Variants in SI observed in about 807,000 individuals in gnomAD.
SI encodes sucrase-isomaltase, intestinal.
SI carries 235 observed loss-of-function variants against 253.3 expected under a neutral mutation model. The observed-to-expected ratio is 0.93, with a 90% CI of 0.83 to 1.03. The LOEUF (loss-of-function observed/expected upper bound fraction) is 1.03. Among genes scored for constraint, SI ranks in the 50% least tolerant of loss-of-function variants. The pLI is 0.00. For synonymous variants in SI, 819 were observed against 712.0 expected (o/e 1.15, Z -2.39); for missense variants, 2,442 against 2,211.1 (o/e 1.10, Z -2.09).
chr3:165,062,737 G>A (rs1007721801), intron 8 of SI, among the ~76,000 whole-genome samples: 3 of 152,000 alleles, frequency 2.0e-5, no homozygotes, highest in East Asian at 1.9e-4. Context: ...TGGATATTGT[G>A]TTGCAAAGGG....
chr3:165,022,687 C>T (rs1711690711), intron 26 of SI, among the ~76,000 whole-genome samples: 1 of 151,386 alleles, frequency 6.6e-6, no homozygotes, highest in African/African-American at 2.4e-5. Context: ...ATCTCCAGTT[C>T]CACACTGTTT....
upstream of SI, among the ~76,000 whole-genome samples, chr3:165,081,863 T>C (rs75958164): frequency 0.021 from 3,187 of 151,844 alleles, 50 homozygotes; most frequent in Middle Eastern, 0.048. Context: ...ATACAAAAGA[T>C]TTTAGAAGAA....
intron 37 of SI, among the ~76,000 whole-genome samples, chr3:165,000,963 A>T (rs1438346547): frequency 6.6e-6 from 1 of 151,280 alleles, no homozygotes; most frequent in African/African-American, 2.4e-5. Flanking sequence ...TTCAATTATT[A>T]TAAAAAAGTT....
At chr3:165,057,931 A>G (rs886261216) in intron 12 of SI, among the ~76,000 whole-genome samples, 1 of 152,016 alleles carries the variant, frequency 6.6e-6, no homozygotes, top group African/African-American at 2.4e-5. Context: ...TTATAAACTA[A>G]GTGGACCTGA....
intron 14 of SI, 106 bp from the exon 15 acceptor site, chr3:165,049,350 C>T (rs2108232482): frequency 5.3e-6 from 4 of 753,794 alleles, no homozygotes; most frequent in Middle Eastern, 3.4e-4. Context: ...TATGAAATTC[C>T]ATATTTGGTT....
intron 22 of SI, among the ~76,000 whole-genome samples, chr3:165,035,274 G>C (rs1324120193): frequency 6.6e-6 from 1 of 151,960 alleles, no homozygotes; most frequent in Non-Finnish European, 1.5e-5. Flanking sequence ...TACTGGTAAA[G>C]AATAGTAATA....
chr3:165,064,592 C>A (rs1433856728), intron 7 of SI, among the ~76,000 whole-genome samples: 1 of 151,902 alleles, frequency 6.6e-6, no homozygotes, highest in Non-Finnish European at 1.5e-5. Flanking sequence ...TCTCAAAAAT[C>A]TCACATTTTT....
At chr3:164,987,037 T>C (rs1717470233) in intron 45 of SI, 101 bp downstream of exon 45, 1 of 914,476 alleles carries the variant, frequency 1.1e-6, no homozygotes, top group South Asian at 1.4e-5. Flanking sequence ...ATAATATTAA[T>C]AGCTTTGTAC....
At chr3:164,983,401 G>C (rs139013716) in intron 45 of SI, among the ~76,000 whole-genome samples, 1 of 152,252 alleles carries the variant, frequency 6.6e-6, no homozygotes, top group African/African-American at 2.4e-5. Context: ...AGTGATGATA[G>C]CAATCGACAC....
chr3:164,987,237 G>C lies in SI; in HGVS notation c.5109-11C>G. ...ATGTGTTTTTGTCGACTATAAGAAA[G>C]AAATATATAATTTTACCCATGTTTG... On this transcript the variant is annotated splice_polypyrimidine_tract_variant and intron_variant, in intron 44 of 47. Coordinates refer to ENST00000264382, the MANE Select transcript of SI (RefSeq NM_001041.4). The C allele has an allele frequency of 6.2e-7, 1 of 1,605,692 alleles. No individual in the cohort carries two copies.
chr3:164,996,401 G>C (rs1718009092), intron 40 of SI, 134 bp downstream of exon 40: 2 of 655,532 alleles, frequency 3.1e-6, no homozygotes, highest in Non-Finnish European at 2.8e-6. Context: ...AGTTCCTCCA[G>C]ACAATTTCCT....
chr3:164,979,623 A>G (rs1233775678), intron 47 of SI, among the ~76,000 whole-genome samples, 193 bp from the exon 48 acceptor site: 1 of 151,750 alleles, frequency 6.6e-6, no homozygotes, highest in African/African-American at 2.4e-5. Context: ...CATTTTACCT[A>G]AGGTTAAAAT....
intron 35 of SI, among the ~76,000 whole-genome samples, chr3:165,008,643 C>A (rs1478057733): frequency 6.6e-6 from 1 of 151,890 alleles, no homozygotes; most frequent in African/African-American, 2.4e-5. Context: ...ATGCTTTATA[C>A]AATCTTATAT....
intron 25 of SI, among the ~76,000 whole-genome samples, chr3:165,029,659 T>A (rs1347105303): frequency 7.9e-6 from 1 of 126,332 alleles, no homozygotes; most frequent in South Asian, 2.7e-4. Flanking sequence ...ATTAAAATTA[T>A]TTAATAGGAA....
In SI at chr3:165,032,557, C is replaced by T. The variant is rs372220737; in HGVS notation, c.2701G>A (p.Ala901Thr). Reference sequence around the variant, plus strand: ...GCATCATAAGTGAAATTGGAATGAGCGTTCATTGGTTGATTATTTTCCGCC... The same window carrying T: ...GCATCATAAGTGAAATTGGAATGAGTGTTCATTGGTTGATTATTTTCCGCC... ...RVAENNQPMN[A>T]HSNFTYDASN... is the part of the protein sequence containing the mutation. The change falls in exon 24 of 48, where the codon GCT (alanine) becomes ACT (threonine). Residue 901 changes from alanine to threonine, a missense_variant. Transcript: ENST00000264382. 7.5e-6 allele frequency: 12 copies of T among 1,608,390 alleles called. No individual in the cohort carries two copies. Among genetic ancestry groups the T allele is most frequent in the South Asian group, 5.5e-5 (5 of 90,858 alleles).
rs941402921 is a variant in SI, at chr3:165,052,528, C to T, written c.1513-2653G>A. ...AAAATTAGCTGGGCGTGGTGAAGTG[C>T]ACCTGTAATCCCAGCTCCTCGGGAG... On this transcript the variant is annotated intron_variant, in intron 13 of 47. Coordinates refer to ENST00000264382, the MANE Select transcript of SI (RefSeq NM_001041.4). Among the ~76,000 whole-genome samples, 3 of 152,078 alleles carry T rather than the reference C, an allele frequency of 2.0e-5. No individual in the cohort carries two copies. The South Asian group carries it at 6.2e-4, about 31-fold the overall frequency.
At chr3:165,070,023 C>T (rs957258050) in intron 3 of SI, among the ~76,000 whole-genome samples, 5 of 148,048 alleles carry the variant, frequency 3.4e-5, no homozygotes, top group Admixed American at 1.4e-4. Context: ...CTATTTTATC[C>T]TCAAATTAAA....
At chr3:165,074,456 A>G in intron 3 of SI, 75 bp downstream of exon 3, 1 of 924,184 alleles carries the variant, frequency 1.1e-6, no homozygotes, top group South Asian at 2.2e-5. Flanking sequence ...AATAAGATCG[A>G]TCCAATATTC....
At chr3:164,983,705 T>G (rs1473775220) in intron 45 of SI, among the ~76,000 whole-genome samples, 1 of 152,064 alleles carries the variant, frequency 6.6e-6, no homozygotes. Flanking sequence ...TCCTCCCACC[T>G]CAGCCTCCTG....
Sources: gnomAD v4.1 joint callset for allele counts (sites outside exome capture counted in the v4.1 genomes callset) on GRCh38, gnomAD v4.1.1 for gene constraint, MANE v1.5 for transcripts, NCBI Gene and HGNC (gene_info 2026-07-23, HGNC 2026-07-21) for gene names.